PVT1: variants seen among roughly 807,000 people sequenced by gnomAD.
The protein encoded by PVT1 is CXCR4/PVT1 fusion.
intron 3 of PVT1, among the ~76,000 whole-genome samples, chr8:127,965,564 TA>T (rs139146655): frequency 0.019 from 2,952 of 152,338 alleles, 105 homozygotes; most frequent in African/African-American, 0.067. Flanking sequence ...ACCCCCCATT[TA>T]AAGCCAAATG....
chr8:127,883,584 C>T (rs1198424247), intron 2 of PVT1, among the ~76,000 whole-genome samples: 1 of 151,178 alleles, frequency 6.6e-6, no homozygotes, highest in East Asian at 1.9e-4. Context: ...AACAAACCTG[C>T]ACGTTGTGCA....
intron 2 of PVT1, among the ~76,000 whole-genome samples, chr8:127,875,458 G>A (rs960577284): frequency 6.6e-6 from 1 of 151,688 alleles, no homozygotes. Flanking sequence ...GACATATTTC[G>A]AGCCTCCGTT....
intron 4 of PVT1, among the ~76,000 whole-genome samples, chr8:127,992,147 A>G (rs1817049690): frequency 1.3e-5 from 2 of 151,694 alleles, no homozygotes; most frequent in Admixed American, 6.6e-5. Context: ...GCATTTTGGG[A>G]GGCTGAGGTG....
At chr8:128,036,553 G>T (rs895477549) in intron 4 of PVT1, among the ~76,000 whole-genome samples, 7 of 152,178 alleles carry the variant, frequency 4.6e-5, no homozygotes, top group Admixed American at 3.9e-4. Flanking sequence ...AGCGCTTCTG[G>T]GGGGCTGGGC....
chr8:127,911,569 G>A (rs891242002), intron 3 of PVT1, among the ~76,000 whole-genome samples: 2 of 152,218 alleles, frequency 1.3e-5, no homozygotes, highest in South Asian at 2.1e-4. Flanking sequence ...CTGCCAAACC[G>A]CAGAAACTGT....
intron 3 of PVT1, chr8:127,984,103 T>G (rs1245684654): frequency 1.3e-5 from 2 of 151,826 alleles, no homozygotes; most frequent in African/African-American, 2.4e-5. Context: ...GGTCTCGAAC[T>G]CCTGACCTCA....
Position 128,003,022 on chromosome 8 carries a change from G to A in PVT1, n.912+13731G>A, listed in dbSNP as rs142301420. 8.4e-3 allele frequency among the ~76,000 whole-genome samples: 848 copies of A among 101,074 alleles called. 11 individuals carry two copies. The highest frequency in any genetic ancestry group is 0.037 in the East Asian group (114 of 3,078). 66.3% of individuals were successfully genotyped at this position (101,074 alleles called of 152,430 possible). A position where few individuals can be genotyped will look rare whatever the true frequency, so the allele number is the denominator to read the frequency against. Reference sequence around the variant, plus strand: ...CTTCTTTTTTCTTTCTTTTTTTGACGGAGTCCTGCTCTTTGCCCAGGCTGG... The same window carrying A: ...CTTCTTTTTTCTTTCTTTTTTTGACAGAGTCCTGCTCTTTGCCCAGGCTGG... On this transcript the variant is annotated intron_variant and non_coding_transcript_variant, in intron 4 of 10. Coordinates refer to ENST00000651587, the Ensembl canonical transcript of PVT1.
chr8:128,074,266 G>A (rs1338446455), intron 5 of PVT1, among the ~76,000 whole-genome samples: 1 of 152,168 alleles, frequency 6.6e-6, no homozygotes, highest in Non-Finnish European at 1.5e-5. Context: ...CAGGACTTTG[G>A]AAGCCCAAGA....
intron 4 of PVT1, among the ~76,000 whole-genome samples, chr8:128,018,347 CT>C (rs1334297275): frequency 6.6e-6 from 1 of 152,232 alleles, no homozygotes; most frequent in East Asian, 1.9e-4. Flanking sequence ...GGTAGATGCT[CT>C]CCCCAGGAAG....
intron 2 of PVT1, among the ~76,000 whole-genome samples, chr8:127,846,838 AT>A (rs561950021): frequency 2.3e-3 from 333 of 143,346 alleles, no homozygotes; most frequent in Admixed American, 2.3e-3. Flanking sequence ...CACCCAGCAA[AT>A]TTTTTTTTTT....
chr8:127,942,832 C>G (rs1434593309), intron 3 of PVT1, among the ~76,000 whole-genome samples: 1 of 152,202 alleles, frequency 6.6e-6, no homozygotes, highest in Non-Finnish European at 1.5e-5. Flanking sequence ...TAGGTAGTGG[C>G]TGTTCTGAAG....
At chr8:128,041,373 T>C (rs1289324918) in intron 4 of PVT1, among the ~76,000 whole-genome samples, 3 of 151,120 alleles carry the variant, frequency 2.0e-5, no homozygotes, top group African/African-American at 7.3e-5. Context: ...TTGTTTGTGT[T>C]TGTGTGCATA....
At chr8:128,019,334 T>C (rs1281215749) in intron 4 of PVT1, among the ~76,000 whole-genome samples, 1 of 152,194 alleles carries the variant, frequency 6.6e-6, no homozygotes, top group African/African-American at 2.4e-5. Flanking sequence ...CAACACAAGC[T>C]TGAAACCCAT....
At chr8:128,071,444 G>C (rs1813988944) in intron 5 of PVT1, among the ~76,000 whole-genome samples, 1 of 152,014 alleles carries the variant, frequency 6.6e-6, no homozygotes, top group African/African-American at 2.4e-5. Context: ...AACTTTTGGA[G>C]GCTGAGGCGG....
intron 3 of PVT1, among the ~76,000 whole-genome samples, chr8:127,982,072 C>G (rs1300291893): frequency 6.6e-6 from 1 of 152,164 alleles, no homozygotes; most frequent in African/African-American, 2.4e-5. Flanking sequence ...TCTTGGGCGC[C>G]TTTTGTGACC....
At chr8:128,026,835 C>G (rs1314929219) in intron 4 of PVT1, among the ~76,000 whole-genome samples, 1 of 152,194 alleles carries the variant, frequency 6.6e-6, no homozygotes, top group Non-Finnish European at 1.5e-5. Flanking sequence ...CTCTCATTTA[C>G]CAAATGAGAA....
chr8:127,950,567 A>G (rs1816494782), intron 3 of PVT1, among the ~76,000 whole-genome samples: 1 of 152,156 alleles, frequency 6.6e-6, no homozygotes, highest in East Asian at 1.9e-4. Context: ...CTCAGATGGA[A>G]TTTGCTTAAA....
intron 3 of PVT1, among the ~76,000 whole-genome samples, chr8:127,967,556 A>G (rs1249831600): frequency 6.6e-6 from 1 of 152,170 alleles, no homozygotes; most frequent in African/African-American, 2.4e-5. Context: ...CCTGGCATCT[A>G]CCACAAAGCT....
intron 5 of PVT1, among the ~76,000 whole-genome samples, chr8:128,073,802 CTTTTTTTTTT>C (rs79686805): frequency 7.2e-6 from 1 of 138,126 alleles, no homozygotes; most frequent in Non-Finnish European, 1.6e-5. Flanking sequence ...ATTTTTTTTT[CTTTTTTTTTT>C]TTTTTAAGAT....
Sources: allele counts gnomAD v4.1 joint callset (sites outside exome capture counted in the v4.1 genomes callset), GRCh38; gene constraint gnomAD v4.1.1; transcripts MANE v1.5; gene names NCBI Gene and HGNC (gene_info 2026-07-23, HGNC 2026-07-21).